The following AKAP8L variants were observed in gnomAD, a reference collection of about 807,000 sequenced individuals.
AKAP8L encodes the protein A-kinase anchor protein 8-like.
A neutral mutation model predicts 77.5 loss-of-function variants in AKAP8L; 34 were observed. The ratio of observed to expected loss-of-function variants is 0.44; its 90% CI spans 0.33 to 0.58. The LOEUF (loss-of-function observed/expected upper bound fraction) is 0.58. Ranked by LOEUF, AKAP8L falls within the 20% of genes least tolerant of loss-of-function variation. The pLI is 0.02. For missense variants in AKAP8L, 806 were observed against 887.6 expected (o/e 0.91, Z 1.17); for synonymous variants, 342 against 340.7 (o/e 1.00, Z -0.04).
intron 1 of AKAP8L, among the ~76,000 whole-genome samples, chr19:15,416,019 G>T (rs1482170281): frequency 6.6e-6 from 1 of 151,672 alleles, no homozygotes; most frequent in African/African-American, 2.4e-5. Context: ...TAGAGAAAGG[G>T]TCTTGCTATG....
At chr19:15,383,398 G>A (rs761694817) in intron 12 of AKAP8L, 1 of 151,828 alleles carries the variant, frequency 6.6e-6, no homozygotes, top group African/African-American at 2.4e-5. Flanking sequence ...TTGTAGAGAC[G>A]AGATCTCACT....
In AKAP8L at chr19:15,397,823, C is replaced by T. The variant is rs1967808937; in HGVS notation, c.1190G>A (p.Arg397Gln). 5 of 1,613,852 alleles carry T rather than the reference C, an allele frequency of 3.1e-6. No individual in the cohort carries two copies. The highest frequency in any genetic ancestry group is 1.1e-5 in the South Asian group (1 of 91,060). ...GGCCATCTCGTCCTCATAGAAGGTC[C>T]GGTATTTGCACAGAGAACACACAAA... ...IQFVCSLCKY[R>Q]TFYEDEMASH... The change falls in exon 10 of 14, where the codon CGG becomes CAG. Residue 397 changes from arginine (R) to glutamine (Q), a missense_variant. This residue lies in a region of AKAP8L where 580 missense variants were observed against 694.1 expected (regional missense o/e 0.84). Transcript: ENST00000397410. This position sits in a 1 kb window ranked among gnomAD's most constrained non-coding sequence, Gnocchi z 4.7.
Position 15,397,302 on chromosome 19 carries a change from C to A in AKAP8L, c.1406-22G>T. On this transcript the variant is annotated intron_variant, in intron 11 of 13. Coordinates refer to ENST00000397410, the MANE Select transcript of AKAP8L (RefSeq NM_014371.4). The surrounding 1 kb of genome is among the most constrained non-coding windows in gnomAD (Gnocchi z 4.7). ...ATTTCTGTAGTGGGGAGGAGGGAGT[C>A]ACCACTGGGCCCAGGTGCCTAAGAT... The A allele has an allele frequency of 1.9e-6, 3 of 1,613,398 alleles. No individual in the cohort carries two copies. Among genetic ancestry groups the A allele is most frequent in the Middle Eastern group, 1.7e-4 (1 of 6,030 alleles).
Position 15,399,181 on chromosome 19 carries a change from G to C in AKAP8L, c.1157+121C>G. On this transcript the variant is annotated intron_variant, in intron 9 of 13. Coordinates refer to ENST00000397410, the MANE Select transcript of AKAP8L (RefSeq NM_014371.4). The surrounding 1 kb of genome is among the most constrained non-coding windows in gnomAD (Gnocchi z 6.1). ...CGGGAAGCAGGGTCCATGCACGGCC[G>C]AGCAGGTGGCGGCTCCCAAGGGAGG... The C allele has an allele frequency of 1.2e-6, 1 of 850,146 alleles. No individual in the cohort carries two copies. Among genetic ancestry groups the C allele is most frequent in the South Asian group, 1.5e-5 (1 of 64,940 alleles). 52.7% of individuals were successfully genotyped at this position (850,146 alleles called of 1,614,324 possible).
intron 12 of AKAP8L, among the ~76,000 whole-genome samples, chr19:15,392,896 CAAAAAA>C (rs60766880): frequency 1.4e-4 from 6 of 43,136 alleles, no homozygotes; most frequent in Non-Finnish European, 1.9e-4. Context: ...AACTCTGTCT[CAAAAAA>C]AAAAAAATCT....
At chr19:15,395,035 CT>C (rs1035635061) in intron 12 of AKAP8L, among the ~76,000 whole-genome samples, 91 of 143,530 alleles carry the variant, frequency 6.3e-4, no homozygotes, top group Non-Finnish European at 6.3e-4. Context: ...TATTTTCCAA[CT>C]TTTTTTTTTT....
chr19:15,418,975 T>G lies in AKAP8L; in HGVS notation c.-52A>C, dbSNP rs376758648. 503 of 1,602,504 alleles carry G rather than the reference T, an allele frequency of 3.1e-4. 1 individual carries two copies. Among genetic ancestry groups the G allele is most frequent in the Non-Finnish European group, 3.9e-4 (456 of 1,178,966 alleles). On this transcript the variant is annotated 5_prime_UTR_variant, in exon 1 of 14. It removes an upstream start codon present in the reference 5' UTR. Transcript: ENST00000397410. ...ACGCCGGCTTCTGCTGCTCTGAACA[T>G]CCGACGCTGCGATAGCTGCTGCTAA...
At chr19:15,406,190 C>G (rs1208745498) in intron 2 of AKAP8L, among the ~76,000 whole-genome samples, 1 of 152,060 alleles carries the variant, frequency 6.6e-6, no homozygotes, top group Non-Finnish European at 1.5e-5. Context: ...CTTGCTATGC[C>G]TGGAGCAACC....
chr19:15,386,413 G>A (rs1181360359), intron 12 of AKAP8L, among the ~76,000 whole-genome samples: 1 of 152,052 alleles, frequency 6.6e-6, no homozygotes, highest in African/African-American at 2.4e-5. Context: ...ACCATTTAAA[G>A]TCTCTGAAAA....
intron 12 of AKAP8L, among the ~76,000 whole-genome samples, chr19:15,382,915 G>GTA (rs1192228806): frequency 5.3e-5 from 8 of 152,094 alleles, no homozygotes; most frequent in Non-Finnish European, 1.2e-4. Flanking sequence ...AACTCAATCT[G>GTA]TATATGTTAT....
chr19:15,390,258 A>C (rs772462688), intron 12 of AKAP8L, among the ~76,000 whole-genome samples: 51 of 151,994 alleles, frequency 3.4e-4, no homozygotes, highest in Non-Finnish European at 4.1e-4. Flanking sequence ...TCTACAAAAA[A>C]CTACCAAAAC....
intron 1 of AKAP8L, among the ~76,000 whole-genome samples, chr19:15,416,027 A>G (rs1599625738): frequency 6.6e-6 from 1 of 151,590 alleles, no homozygotes; most frequent in Non-Finnish European, 1.5e-5. Flanking sequence ...GGGTCTTGCT[A>G]TGTTGCCCAG....
At chr19:15,386,256 G>A (rs1393719894) in intron 12 of AKAP8L, among the ~76,000 whole-genome samples, 1 of 152,082 alleles carries the variant, frequency 6.6e-6, no homozygotes, top group African/African-American at 2.4e-5. Flanking sequence ...CTAATCTACA[G>A]TTTCATTTTG....
At chr19:15,417,845 A>T (rs915630366) in intron 1 of AKAP8L, 1 of 152,252 alleles carries the variant, frequency 6.6e-6, no homozygotes, top group African/African-American at 2.4e-5. Flanking sequence ...GAGAAGCCTC[A>T]TCAGTCACTG....
chr19:15,397,524 G>A lies in AKAP8L; in HGVS notation c.1401C>T (p.Thr467=). 1 of 1,612,468 alleles carries A rather than the reference G, an allele frequency of 6.2e-7. No individual in the cohort carries two copies. Among genetic ancestry groups the A allele is most frequent in the Non-Finnish European group, 8.5e-7 (1 of 1,179,268 alleles). The change falls in exon 11 of 14, where the codon ACC becomes ACT. Residue 467 remains threonine (T), a synonymous_variant. Coordinates refer to ENST00000397410, the MANE Select transcript of AKAP8L (RefSeq NM_014371.4). The surrounding 1 kb of genome is among the most constrained non-coding windows in gnomAD (Gnocchi z 4.7). ...GTGGGCTGAAAATCTCCTCACCCTG[G>A]GTCAGATCCTGGTCTCTGTAGATTT... The part of the protein sequence containing the change: ...IQQIYRDQDL[T]QEIAMEHFVK...
chr19:15,413,790 TACTGCA>T (rs1413510263), intron 1 of AKAP8L, among the ~76,000 whole-genome samples: 9 of 152,248 alleles, frequency 5.9e-5, no homozygotes, highest in African/African-American at 2.2e-4. Flanking sequence ...GATCTGTGAG[TACTGCA>T]ACTGCAAATG....
chr19:15,385,931 T>TA (rs1568261539), intron 12 of AKAP8L, among the ~76,000 whole-genome samples: 1 of 43,710 alleles, frequency 2.3e-5, no homozygotes, highest in African/African-American at 1.1e-4. Context: ...TTTTTTTTTT[T>TA]GAGGAGTCTC....
intron 1 of AKAP8L, among the ~76,000 whole-genome samples, chr19:15,412,410 A>G (rs1968122421): frequency 6.6e-6 from 1 of 152,214 alleles, no homozygotes; most frequent in Admixed American, 6.5e-5. Flanking sequence ...AAATAAAATA[A>G]AATGAGTTAG....
chr19:15,385,179 G>A (rs1244777197), intron 12 of AKAP8L, among the ~76,000 whole-genome samples: 2 of 151,914 alleles, frequency 1.3e-5, no homozygotes, highest in Non-Finnish European at 2.9e-5. Context: ...GGGTTTCACC[G>A]TTTTAGCCGG....
Sources: gnomAD v4.1 joint callset for allele counts (sites outside exome capture counted in the v4.1 genomes callset) on GRCh38, gnomAD v4.1.1 for gene constraint, gnomAD v4.1.1 regional missense constraint, Gnocchi (gnomAD v3.1) non-coding constraint, MANE v1.5 for transcripts, NCBI Gene and HGNC (gene_info 2026-07-23, HGNC 2026-07-21) for gene names.